The following TNIP3 variants were observed in gnomAD, a reference collection of about 807,000 sequenced individuals.
TNIP3 encodes the protein TNFAIP3-interacting protein 3.
Under a neutral mutation model 54.1 loss-of-function variants are expected in TNIP3, and 34 were observed. The observed-to-expected ratio is 0.63, with a 90% CI of 0.48 to 0.84. The LOEUF (loss-of-function observed/expected upper bound fraction) is 0.84. TNIP3 is among the 40% of genes least tolerant of loss of function. The pLI, the probability that TNIP3 is intolerant of heterozygous loss-of-function variation, is 0.00. For missense variants in TNIP3, 366 were observed against 387.6 expected, an observed-to-expected ratio of 0.94 and a Z score of 0.47; for synonymous variants, 134 against 136.8, an observed-to-expected ratio of 0.98 and a Z score of 0.14.
chr4:121,153,388 A>C (rs1481313249), intron 5 of TNIP3, among the ~76,000 whole-genome samples: 1 of 152,208 alleles, frequency 6.6e-6, no homozygotes, highest in Non-Finnish European at 1.5e-5. Flanking sequence ...TAGACAATGT[A>C]AGAAAACTTG....
chr4:121,188,179 C>T (rs553699366), intron 2 of TNIP3, among the ~76,000 whole-genome samples: 1 of 152,140 alleles, frequency 6.6e-6, no homozygotes, highest in Admixed American at 6.5e-5. Flanking sequence ...CTTACATGGA[C>T]AGAAATCTCC....
At chr4:121,147,252 G>A (rs559770995) in intron 6 of TNIP3, 78 bp from the exon 7 acceptor site, 13 of 1,511,972 alleles carry the variant, frequency 8.6e-6, no homozygotes, top group Non-Finnish European at 1.2e-5. Flanking sequence ...TTAAATGACT[G>A]CTGCCTACTC....
chr4:121,169,674 A>G (rs1310410069), intron 3 of TNIP3, among the ~76,000 whole-genome samples: 3 of 152,192 alleles, frequency 2.0e-5, no homozygotes, highest in Non-Finnish European at 4.4e-5. Context: ...TCTTCTCAAG[A>G]GATTAAATGG....
chr4:121,181,843 G>A (rs1490131548), intron 3 of TNIP3, among the ~76,000 whole-genome samples: 1 of 152,060 alleles, frequency 6.6e-6, no homozygotes, highest in Admixed American at 6.6e-5. Flanking sequence ...TTGTTTAAGG[G>A]AGGCCACACT....
At chr4:121,150,315 T>C in intron 5 of TNIP3, 96 bp from the exon 6 acceptor site, 1 of 679,930 alleles carries the variant, frequency 1.5e-6, no homozygotes, top group Non-Finnish European at 2.5e-6. Context: ...CACCCACAAA[T>C]ATGCATTTCA....
upstream of TNIP3, among the ~76,000 whole-genome samples, chr4:121,166,551 C>A (rs578150567): frequency 1.3e-3 from 197 of 152,254 alleles, 2 homozygotes; most frequent in Middle Eastern, 3.4e-3. Flanking sequence ...TGTGAAGAGT[C>A]TTCATTTCTG....
intron 3 of TNIP3, among the ~76,000 whole-genome samples, chr4:121,177,050 C>T (rs981538858): frequency 6.6e-6 from 1 of 152,202 alleles, no homozygotes; most frequent in African/African-American, 2.4e-5. Context: ...TGGGCATTTT[C>T]CCTTTCACTC....
At chr4:121,201,349 A>G (rs1211322456) in intron 2 of TNIP3, among the ~76,000 whole-genome samples, 1 of 152,216 alleles carries the variant, frequency 6.6e-6, no homozygotes, top group East Asian at 1.9e-4. Flanking sequence ...AGCAGGGTCC[A>G]GAGTGGAACA....
intron 1 of TNIP3, among the ~76,000 whole-genome samples, chr4:121,224,525 A>C (rs1727178951): frequency 6.6e-6 from 1 of 152,120 alleles, no homozygotes; most frequent in Non-Finnish European, 1.5e-5. Flanking sequence ...GTTCATGGTT[A>C]TGTTTTTTGA....
At chr4:121,153,342 G>A (rs1462546963) in intron 5 of TNIP3, among the ~76,000 whole-genome samples, 1 of 152,070 alleles carries the variant, frequency 6.6e-6, no homozygotes, top group Non-Finnish European at 1.5e-5. Context: ...TATCTACAAG[G>A]TTTATATCTT....
chr4:121,226,553 C>A (rs955111308), intron 1 of TNIP3, among the ~76,000 whole-genome samples: 5 of 152,186 alleles, frequency 3.3e-5, no homozygotes, highest in Non-Finnish European at 7.3e-5. Flanking sequence ...GGGCATTGAT[C>A]GAGATTCCTA....
At position 121,138,833 on chromosome 4, in the gene TNIP3, C is replaced by CTTAA. The variant is rs907996200; in HGVS notation, c.886-150_886-149insTTAA. 3.3e-4 allele frequency: 233 copies of CTTAA among 703,998 alleles called. No individual in the cohort carries two copies. In the Admixed American group the frequency reaches 4.7e-3, roughly 14 times the overall value. 43.6% of individuals were successfully genotyped at this position (703,998 alleles called of 1,614,324 possible). The stretch of plus-strand genomic sequence containing the variant: ...CCTATTGCCAACCTCACTCATCCTG[C>CTTAA]TTACCCCCCATCACTGCCATCATCT... On this transcript the variant is annotated intron_variant, in intron 9 of 10. Transcript: ENST00000057513.
intron 7 of TNIP3, among the ~76,000 whole-genome samples, chr4:121,143,093 G>A (rs1729218682): frequency 6.6e-6 from 1 of 152,176 alleles, no homozygotes; most frequent in African/African-American, 2.4e-5. Context: ...GACATTCAAA[G>A]GCTTCCACAA....
chr4:121,155,341 G>A (rs1171310870), intron 4 of TNIP3, among the ~76,000 whole-genome samples: 1 of 152,086 alleles, frequency 6.6e-6, no homozygotes, highest in Non-Finnish European at 1.5e-5. Flanking sequence ...ATAGCTGAAA[G>A]TCTTAAAAAG....
intron 7 of TNIP3, among the ~76,000 whole-genome samples, chr4:121,146,504 C>T (rs1038748831): frequency 1.3e-5 from 2 of 152,086 alleles, no homozygotes; most frequent in African/African-American, 4.8e-5. Context: ...TGTTCAATTA[C>T]ACTTAATTTT....
intron 3 of TNIP3, among the ~76,000 whole-genome samples, chr4:121,175,419 T>G (rs1026220800): frequency 1.3e-5 from 2 of 152,202 alleles, no homozygotes; most frequent in Non-Finnish European, 2.9e-5. Flanking sequence ...CAGATGCCAC[T>G]TTTCACTTCA....
chr4:121,171,610 GCC>G (rs1304057313), intron 3 of TNIP3, among the ~76,000 whole-genome samples: 1 of 152,168 alleles, frequency 6.6e-6, no homozygotes, highest in Non-Finnish European at 1.5e-5. Flanking sequence ...TTCACCATCT[GCC>G]CCAGAAGAGA....
At chr4:121,134,053 G>A (rs901941250) in intron 10 of TNIP3, among the ~76,000 whole-genome samples, 20 of 152,118 alleles carry the variant, frequency 1.3e-4, no homozygotes, top group African/African-American at 4.6e-4. Flanking sequence ...TTTTGTTATG[G>A]CAATCCTAGG....
intron 1 of TNIP3, among the ~76,000 whole-genome samples, chr4:121,226,259 C>CAG (rs1727252197): frequency 1.3e-5 from 2 of 151,308 alleles, no homozygotes; most frequent in South Asian, 4.2e-4. Flanking sequence ...GAGAGAGCGA[C>CAG]AGAGGCACAA....
Sources: allele counts gnomAD v4.1 joint callset (sites outside exome capture counted in the v4.1 genomes callset), GRCh38; gene constraint gnomAD v4.1.1; transcripts MANE v1.5; gene names NCBI Gene and HGNC (gene_info 2026-07-23, HGNC 2026-07-21).